ANOS1: variants seen among roughly 807,000 people sequenced by gnomAD.
ANOS1 encodes the protein anosmin 1.
ANOS1 carries 6 observed loss-of-function variants against 59.0 expected under a neutral mutation model. The observed-to-expected ratio is 0.10, with a 90% CI of 0.06 to 0.20. The LOEUF is 0.20. Among genes scored for constraint, ANOS1 ranks in the 10% least tolerant of loss-of-function variants. ANOS1 has a pLI of 1.00. For missense variants in ANOS1, 433 were observed against 542.3 expected (o/e 0.80, Z 2.00); for synonymous variants, 217 against 223.4 (o/e 0.97, Z 0.25).
chrX:8,724,668 CG>C (rs1449875082), intron 1 of ANOS1, among the ~76,000 whole-genome samples: 1 of 111,983 alleles, frequency 8.9e-6, no homozygotes, highest in East Asian at 2.8e-4. Flanking sequence ...ATACAGGAGC[CG>C]GGGGATGGTG....
At chrX:8,598,571 C>G (rs757220956) in intron 3 of ANOS1, among the ~76,000 whole-genome samples, 2 of 110,894 alleles carry the variant, frequency 1.8e-5, no homozygotes, top group South Asian at 7.7e-4. Flanking sequence ...ACAGCCCCAC[C>G]AGCCCCAGCC....
chrX:8,630,764 A>C (rs1266099129), intron 2 of ANOS1, among the ~76,000 whole-genome samples: 1 of 112,530 alleles, frequency 8.9e-6, no homozygotes, highest in African/African-American at 3.2e-5. Context: ...GTTTATGAAG[A>C]CTTGGGTGTT....
chrX:8,693,262 G>T, intron 2 of ANOS1, among the ~76,000 whole-genome samples: 1 of 111,582 alleles, frequency 9.0e-6, no homozygotes, highest in Non-Finnish European at 1.9e-5. Flanking sequence ...AATTGCACTG[G>T]ATATTCCTAA....
intron 3 of ANOS1, among the ~76,000 whole-genome samples, chrX:8,606,693 C>T (rs1189370497): frequency 1.8e-5 from 2 of 112,934 alleles, no homozygotes; most frequent in African/African-American, 6.4e-5. Context: ...CTTGGCCTTG[C>T]TGTGTTAACA....
intron 3 of ANOS1, among the ~76,000 whole-genome samples, chrX:8,617,377 A>T (rs1931194802): frequency 8.9e-6 from 1 of 112,127 alleles, no homozygotes; most frequent in Admixed American, 9.4e-5. Context: ...AGGCATGTTA[A>T]CCCTTTTACT....
chrX:8,585,151 G>T, intron 6 of ANOS1, 116 bp downstream of exon 6: 1 of 864,029 alleles, frequency 1.2e-6, no homozygotes, highest in Non-Finnish European at 1.7e-6. Context: ...CTCTAAAACA[G>T]CAAAGCCACC....
chrX:8,566,339 ATGTGTG>A (rs375466093), intron 8 of ANOS1: 11 of 526,223 alleles, frequency 2.1e-5, no homozygotes, highest in African/African-American at 2.8e-5. Flanking sequence ...GTGTGTATAT[ATGTGTG>A]TGTGTGTGTG....
At chrX:8,578,317 T>TAA (rs3057370) in intron 6 of ANOS1, among the ~76,000 whole-genome samples, 3,412 of 98,274 alleles carry the variant, frequency 0.035, 170 homozygotes, top group African/African-American at 0.12. Flanking sequence ...CCTTCTCCCT[T>TAA]AAAAAAAAAA....
chrX:8,676,139 G>C (rs1221856050), intron 2 of ANOS1, among the ~76,000 whole-genome samples: 1 of 111,009 alleles, frequency 9.0e-6, no homozygotes, highest in Non-Finnish European at 1.9e-5. Context: ...ATGTCATTTT[G>C]ACTGTTTCTC....
chrX:8,680,112 C>T (rs1211821752), intron 2 of ANOS1, among the ~76,000 whole-genome samples: 1 of 100,143 alleles, frequency 1.0e-5, no homozygotes, highest in Non-Finnish European at 2.0e-5. Flanking sequence ...TTGCAGTGAG[C>T]CAAGATCGCA....
chrX:8,626,973 G>A (rs1422030523), intron 2 of ANOS1, among the ~76,000 whole-genome samples: 1 of 111,223 alleles, frequency 9.0e-6, no homozygotes, highest in African/African-American at 3.3e-5. Flanking sequence ...CAAAGCTCTT[G>A]TTACTTATTT....
At chrX:8,548,959 C>T (rs1929812762) in intron 9 of ANOS1, among the ~76,000 whole-genome samples, 1 of 111,787 alleles carries the variant, frequency 8.9e-6, no homozygotes, top group Non-Finnish European at 1.9e-5. Flanking sequence ...CAAATAGAGG[C>T]TAGTTTACCT....
At chrX:8,594,738 G>GTA (rs1445185628) in intron 4 of ANOS1, among the ~76,000 whole-genome samples, 1,798 of 64,872 alleles carry the variant, frequency 0.028, 126 homozygotes, top group African/African-American at 0.1. Context: ...ATATATATGT[G>GTA]TATATATATA....
chrX:8,559,683 A>T (rs1283234318), intron 8 of ANOS1, among the ~76,000 whole-genome samples: 1 of 111,688 alleles, frequency 9.0e-6, no homozygotes, highest in African/African-American at 3.3e-5. Flanking sequence ...TGTATCTATA[A>T]TTCTGATTGC....
At chrX:8,577,340 C>T (rs1454482890) in intron 6 of ANOS1, among the ~76,000 whole-genome samples, 1 of 111,575 alleles carries the variant, frequency 9.0e-6, no homozygotes, top group Non-Finnish European at 1.9e-5. Flanking sequence ...GGGAGGCACA[C>T]CACAAGACCA....
intron 3 of ANOS1, among the ~76,000 whole-genome samples, chrX:8,605,340 T>C (rs1930920058): frequency 9.1e-6 from 1 of 109,597 alleles, no homozygotes; most frequent in African/African-American, 3.3e-5. Flanking sequence ...AGTGAGACAA[T>C]GAAATGAGAT....
intron 2 of ANOS1, among the ~76,000 whole-genome samples, chrX:8,639,370 T>C (rs763196945): frequency 1.8e-5 from 2 of 111,245 alleles, no homozygotes; most frequent in Admixed American, 9.6e-5. Context: ...GAAGGAAGAG[T>C]AATTATTTTC....
intron 6 of ANOS1, among the ~76,000 whole-genome samples, chrX:8,574,559 G>C (rs1169778885): frequency 9.0e-6 from 1 of 111,700 alleles, no homozygotes; most frequent in African/African-American, 3.3e-5. Context: ...AATAAAAGCA[G>C]GGAGAAGAAT....
At chrX:8,731,177 A>C (rs977664188) in intron 1 of ANOS1, among the ~76,000 whole-genome samples, 1 of 112,115 alleles carries the variant, frequency 8.9e-6, no homozygotes, top group East Asian at 2.8e-4. Context: ...ACGCTAGTCC[A>C]GGGCAAGACC....
Sources: gnomAD v4.1 joint callset for allele counts (sites outside exome capture counted in the v4.1 genomes callset) on GRCh38, gnomAD v4.1.1 for gene constraint, MANE v1.5 for transcripts, NCBI Gene and HGNC (gene_info 2026-07-23, HGNC 2026-07-21) for gene names.